GPR158: variants seen among roughly 807,000 people sequenced by gnomAD.
The protein encoded by GPR158 is metabotropic glycine receptor.
A neutral mutation model predicts 78.2 loss-of-function variants in GPR158; 30 were observed. The ratio of observed to expected loss-of-function variants is 0.38; its 90% CI spans 0.29 to 0.52. The LOEUF (loss-of-function observed/expected upper bound fraction) is 0.52, where lower values mean the gene tolerates loss of function less well. Among genes scored for constraint, GPR158 ranks in the 20% least tolerant of loss-of-function variants. The pLI, the probability that GPR158 is intolerant of heterozygous loss-of-function variation, is 0.83. For synonymous variants in GPR158, 581 were observed against 591.1 expected (o/e 0.98, Z 0.25); for missense variants, 1,463 against 1,523.5 (o/e 0.96, Z 0.66).
chr10:25,178,192 T>C (rs1415419850), intron 1 of GPR158, among the ~76,000 whole-genome samples: 1 of 152,218 alleles, frequency 6.6e-6, no homozygotes, highest in Non-Finnish European at 1.5e-5. Context: ...AAAAGGAATC[T>C]GAAGCCCAGA....
intron 4 of GPR158, among the ~76,000 whole-genome samples, chr10:25,431,365 G>T (rs1276068542): frequency 6.0e-5 from 9 of 149,056 alleles, no homozygotes; most frequent in Non-Finnish European, 1.2e-4. Flanking sequence ...AACAGCAGGT[G>T]CTGGAGAGGA....
At chr10:25,308,917 A>G (rs1368695310) in intron 2 of GPR158, among the ~76,000 whole-genome samples, 2 of 152,100 alleles carry the variant, frequency 1.3e-5, no homozygotes, top group East Asian at 1.9e-4. Context: ...ATATTCCATT[A>G]TATGTATATG....
chr10:25,250,297 TG>T, intron 2 of GPR158, among the ~76,000 whole-genome samples: 1 of 120,854 alleles, frequency 8.3e-6, no homozygotes, highest in South Asian at 3.4e-4. Flanking sequence ...AAGGGTTTTT[TG>T]TGTCTCTATT....
intron 7 of GPR158, among the ~76,000 whole-genome samples, chr10:25,588,370 C>T (rs1236597682): frequency 3.9e-5 from 6 of 152,188 alleles, no homozygotes; most frequent in Non-Finnish European, 5.9e-5. Flanking sequence ...ACACTGTGCT[C>T]GTCTCTTCTG....
At chr10:25,516,356 C>G (rs1194254959) in intron 5 of GPR158, among the ~76,000 whole-genome samples, 1 of 151,510 alleles carries the variant, frequency 6.6e-6, no homozygotes, top group South Asian at 2.1e-4. Context: ...TTTGGCTGTG[C>G]AGAAGCTCTT....
rs188948005 is a variant in GPR158 at position 25,275,812 on chromosome 10, A to G, written c.1008+54655A>G. Among the ~76,000 whole-genome samples the G allele has an allele frequency of 1.7e-4, 26 of 152,304 alleles. 1 individual carries two copies. Among genetic ancestry groups the G allele is most frequent in the Admixed American group, 1.7e-3 (26 of 15,300 alleles). On this transcript the variant is annotated intron_variant, in intron 2 of 10. Coordinates refer to ENST00000376351, the MANE Select transcript of GPR158 (RefSeq NM_020752.3). ...CATGTGGAGAAAATGATGCTTAGAT[A>G]GGTTTTTTGGTTTGTTCAAGATCAT...
intron 5 of GPR158, among the ~76,000 whole-genome samples, chr10:25,508,905 T>G (rs1836048175): frequency 6.6e-6 from 1 of 152,218 alleles, no homozygotes; most frequent in African/African-American, 2.4e-5. Context: ...GCTGCAGGTA[T>G]GTTTTAACAC....
At chr10:25,187,908 GTAAGCTGA>G (rs1224516296) in intron 1 of GPR158, among the ~76,000 whole-genome samples, 4 of 150,996 alleles carry the variant, frequency 2.6e-5, no homozygotes, top group African/African-American at 9.8e-5. Context: ...CAAAATCTCC[GTAAGCTGA>G]TAAGCAACTT....
chr10:25,241,683 A>G (rs760055554), intron 2 of GPR158, among the ~76,000 whole-genome samples: 1 of 152,106 alleles, frequency 6.6e-6, no homozygotes, highest in African/African-American at 2.4e-5. Flanking sequence ...TGGCCTCCCA[A>G]AGTGCTGGGA....
intron 1 of GPR158, among the ~76,000 whole-genome samples, chr10:25,210,035 T>G (rs1162412956): frequency 6.6e-6 from 1 of 152,156 alleles, no homozygotes; most frequent in Non-Finnish European, 1.5e-5. Context: ...TGACTTCAGC[T>G]AAAACTTAAA....
At chr10:25,410,675 A>G (rs1036446129) in intron 3 of GPR158, among the ~76,000 whole-genome samples, 1 of 152,204 alleles carries the variant, frequency 6.6e-6, no homozygotes, top group African/African-American at 2.4e-5. Context: ...TGTTTCATAA[A>G]TAAGTAAACT....
intron 7 of GPR158, among the ~76,000 whole-genome samples, chr10:25,579,151 ATTTT>A (rs967956470): frequency 6.8e-6 from 1 of 146,402 alleles, no homozygotes; most frequent in African/African-American, 2.5e-5. Context: ...CGACTGTCAG[ATTTT>A]TTTTTTTTTT....
intron 1 of GPR158, among the ~76,000 whole-genome samples, chr10:25,217,882 C>CT (rs1045645169): frequency 1.1e-4 from 17 of 151,228 alleles, no homozygotes; most frequent in South Asian, 2.1e-4. Context: ...CACTTACACG[C>CT]TTTTTTTTTG....
chr10:25,561,048 C>T (rs1299318350), intron 6 of GPR158, among the ~76,000 whole-genome samples: 1 of 152,036 alleles, frequency 6.6e-6, no homozygotes, highest in African/African-American at 2.4e-5. Flanking sequence ...TAAATATTAA[C>T]ATTAAGATGG....
chr10:25,405,227 A>G (rs12256851), intron 3 of GPR158, among the ~76,000 whole-genome samples: 15,544 of 152,100 alleles, frequency 0.1, 859 homozygotes, highest in East Asian at 0.17. Flanking sequence ...ATCTAAGTCC[A>G]ATTTAGAAAT....
chr10:25,302,808 G>T (rs1247652614), intron 2 of GPR158, among the ~76,000 whole-genome samples: 1 of 152,148 alleles, frequency 6.6e-6, no homozygotes, highest in Admixed American at 6.5e-5. Context: ...GTCTCTTATG[G>T]TAGCTGCTAG....
intron 2 of GPR158, among the ~76,000 whole-genome samples, chr10:25,238,284 AG>A (rs1386160907): frequency 2.6e-5 from 4 of 152,204 alleles, no homozygotes; most frequent in African/African-American, 9.6e-5. Context: ...TTTTCTCAGA[AG>A]GTAATCTTTC....
At position 25,599,595 on chromosome 10, in the gene GPR158, G is replaced by A. The variant is rs1055035494; in HGVS notation, c.*321G>A. 4.3e-6 allele frequency: 1 copy of A among 231,478 alleles called. No individual in the cohort carries two copies. Among genetic ancestry groups the A allele is most frequent in the Non-Finnish European group, 8.4e-6 (1 of 118,974 alleles). 14.3% of individuals were successfully genotyped at this position (231,478 alleles called of 1,614,324 possible). ...ATGGGACTTTGAAGATCCTAAGCCAGGTAAACCAGGAGACACAGAAGACGT... is the reference window on the plus strand; with the variant it reads ...ATGGGACTTTGAAGATCCTAAGCCAAGTAAACCAGGAGACACAGAAGACGT... On this transcript the variant is annotated 3_prime_UTR_variant, in exon 11 of 11. Transcript: ENST00000376351.
At chr10:25,471,377 G>A (rs943837106) in intron 5 of GPR158, among the ~76,000 whole-genome samples, 20 of 152,066 alleles carry the variant, frequency 1.3e-4, no homozygotes, top group African/African-American at 3.9e-4. Flanking sequence ...TATTTGGGTC[G>A]GTTCCAAGTC....
Sources: gnomAD v4.1 joint callset for allele counts (sites outside exome capture counted in the v4.1 genomes callset) on GRCh38, gnomAD v4.1.1 for gene constraint, MANE v1.5 for transcripts, NCBI Gene and HGNC (gene_info 2026-07-23, HGNC 2026-07-21) for gene names.